The following PIGN variants were observed in gnomAD, a reference collection of about 807,000 sequenced individuals.
The protein encoded by PIGN is GPI ethanolamine phosphate transferase 1.
A neutral mutation model predicts 125.4 loss-of-function variants in PIGN; 117 were observed. That is an observed-to-expected ratio of 0.93 (90% CI 0.80 to 1.09). The LOEUF (loss-of-function observed/expected upper bound fraction) is 1.09, where lower values mean the gene tolerates loss of function less well. Ranked by LOEUF, PIGN falls within the 50% of genes least tolerant of loss-of-function variation. The pLI, the probability that PIGN is intolerant of heterozygous loss-of-function variation, is 0.00. For synonymous variants in PIGN, 392 were observed against 377.8 expected (o/e 1.04, Z -0.44); for missense variants, 1,075 against 1,094.9 (o/e 0.98, Z 0.26).
intron 1 of PIGN, among the ~76,000 whole-genome samples, chr18:62,177,353 T>C (rs774684896): frequency 3.9e-5 from 6 of 152,216 alleles, no homozygotes; most frequent in Non-Finnish European, 8.8e-5. Context: ...AGTATTTCTA[T>C]TTGGTTCATT....
At chr18:62,034,919 G>A (rs1257869822) in intron 23 of PIGN, among the ~76,000 whole-genome samples, 9 of 152,182 alleles carry the variant, frequency 5.9e-5, no homozygotes, top group South Asian at 2.1e-4. Context: ...GGGAGGGGCC[G>A]GGGGAGAATG....
At chr18:62,138,066 A>G in intron 14 of PIGN, 177 bp downstream of exon 14, 1 of 835,610 alleles carries the variant, frequency 1.2e-6, no homozygotes, top group Non-Finnish European at 1.8e-6. Flanking sequence ...AAAGTTATCT[A>G]GCACCTGGCT....
chr18:62,167,284 ATATGTG>A (rs1382887216), intron 1 of PIGN, among the ~76,000 whole-genome samples: 2,087 of 136,142 alleles, frequency 0.015, 54 homozygotes, highest in African/African-American at 0.061. Flanking sequence ...ATAGAGATAT[ATATGTG>A]TGTGTGTGTG....
chr18:62,078,122 T>C (rs559090204), intron 28 of PIGN, among the ~76,000 whole-genome samples: 28 of 152,154 alleles, frequency 1.8e-4, no homozygotes, highest in Non-Finnish European at 3.1e-4. Context: ...ATAAGAATTT[T>C]AGGGGACACA....
At chr18:62,106,084 G>C (rs527636673) in intron 19 of PIGN, among the ~76,000 whole-genome samples, 96 of 152,268 alleles carry the variant, frequency 6.3e-4, no homozygotes, top group Middle Eastern at 3.4e-3. Context: ...AAAAAAGGTG[G>C]CCTACAATAA....
At chr18:62,023,327 A>T (rs1025068663) in intron 23 of PIGN, among the ~76,000 whole-genome samples, 3 of 152,182 alleles carry the variant, frequency 2.0e-5, no homozygotes, top group African/African-American at 7.2e-5. Context: ...CATACAATCT[A>T]TGTGGTCTTT....
intron 23 of PIGN, among the ~76,000 whole-genome samples, chr18:62,023,412 T>C (rs1248361404): frequency 6.6e-6 from 1 of 152,244 alleles, no homozygotes; most frequent in Non-Finnish European, 1.5e-5. Flanking sequence ...ACTTCAGTCC[T>C]TTTTATCAGT....
At chr18:62,164,306 T>C (rs1305508910) in intron 1 of PIGN, among the ~76,000 whole-genome samples, 2 of 152,200 alleles carry the variant, frequency 1.3e-5, no homozygotes, top group Non-Finnish European at 2.9e-5. Flanking sequence ...CATACTATAA[T>C]ATATAACATA....
chr18:62,050,527 T>C (rs2031188031), intron 30 of PIGN, among the ~76,000 whole-genome samples: 1 of 151,172 alleles, frequency 6.6e-6, no homozygotes, highest in South Asian at 2.1e-4. Context: ...ATAAGAATGC[T>C]TGTGATTTTT....
rs773629540 is a variant in PIGN at position 62,148,326 on chromosome 18, G to A, written c.562C>T (p.His188Tyr). Reference sequence around the variant, plus strand: ...AACAAAGACTGGTTGTTTCTGGCATGATGAAAGAAGTCCTACATATAACAA... The same window carrying A: ...AACAAAGACTGGTTGTTTCTGGCATAATGAAAGAAGTCCTACATATAACAA... ...VFDNVKDFFH[H>Y]ARNNQSLFSK... is the part of the protein sequence containing the mutation. Residue 188 changes from histidine to tyrosine, a missense_variant, in exon 8 of 31, where the codon CAT (histidine) becomes TAT (tyrosine). By Grantham distance (83) the His-to-Tyr change is moderately conservative. Coordinates refer to ENST00000640252, the MANE Select transcript of PIGN (RefSeq NM_176787.5). The A allele has an allele frequency of 4.0e-6, 6 of 1,513,210 alleles. No homozygotes were observed. The highest frequency in any genetic ancestry group is 1.4e-5 in the African/African-American group (1 of 71,548). 93.7% of individuals were successfully genotyped at this position (1,513,210 alleles called of 1,614,324 possible).
At chr18:62,144,341 G>C (rs1385112612) in intron 10 of PIGN, among the ~76,000 whole-genome samples, 1 of 152,188 alleles carries the variant, frequency 6.6e-6, no homozygotes, top group Non-Finnish European at 1.5e-5. Context: ...TGTTGGCAAT[G>C]CTCTAACAGG....
chr18:62,155,147 A>G (rs967365638), intron 6 of PIGN, among the ~76,000 whole-genome samples: 34 of 152,200 alleles, frequency 2.2e-4, no homozygotes, highest in African/African-American at 7.7e-4. Context: ...AAGAGAATAA[A>G]TATTGCTTAT....
rs1372417159 is a variant in PIGN, at chr18:62,074,812, G to C, written c.2586C>G (p.Leu862=). ...TAATGTCTGATATGACGAGAACAATGAGAAAAAGGCTGGAAAAAAAAAGAA... is the reference window on the plus strand; with the variant it reads ...TAATGTCTGATATGACGAGAACAATCAGAAAAAGGCTGGAAAAAAAAAGAA... ...TTQLSSKSLF[L]IVLVISDIMA... is the part of the protein sequence containing the mutation. The change falls in exon 29 of 31, where the codon CTC becomes CTG. Residue 862 remains leucine (L), a synonymous_variant. Transcript: ENST00000640252. 2 of 1,604,186 alleles carry C rather than the reference G, an allele frequency of 1.2e-6. No individual in the cohort carries two copies. The highest frequency in any genetic ancestry group is 2.2e-5 in the East Asian group (1 of 44,554).
chr18:62,078,175 A>G (rs2033269058), intron 28 of PIGN, among the ~76,000 whole-genome samples: 1 of 152,220 alleles, frequency 6.6e-6, no homozygotes, highest in African/African-American at 2.4e-5. Context: ...GTAAGAAACA[A>G]TTTTATCAGC....
Position 62,072,736 on chromosome 18 carries a change from A to C in PIGN, c.2620-11T>G. 6.3e-7 allele frequency: 1 copy of C among 1,577,874 alleles called. No homozygotes were observed. The highest frequency in any genetic ancestry group is 8.6e-7 in the Non-Finnish European group (1 of 1,164,598). ...CAAGAAGAAAAAATGCTGTAAAAAA[A>C]AAAAAAGGCTTAATGAAAAACAAAG... On this transcript the variant is annotated splice_polypyrimidine_tract_variant and intron_variant, in intron 29 of 30. Transcript: ENST00000640252.
At chr18:62,079,541 C>T (rs1025850819) in intron 28 of PIGN, among the ~76,000 whole-genome samples, 1 of 151,624 alleles carries the variant, frequency 6.6e-6, no homozygotes, top group Non-Finnish European at 1.5e-5. Flanking sequence ...AAAATCTGAC[C>T]CAGGAAAAAT....
chr18:62,168,167 A>G (rs1003249485), intron 1 of PIGN, among the ~76,000 whole-genome samples: 16 of 152,180 alleles, frequency 1.1e-4, no homozygotes, highest in Middle Eastern at 6.8e-3. Flanking sequence ...CTGGACAACA[A>G]AAGTGAAACT....
chr18:62,056,015 T>C lies in PIGN; in HGVS notation c.2673-10036A>G, dbSNP rs553421802. On this transcript the variant is annotated intron_variant, in intron 30 of 30. Transcript: ENST00000640252. ...TACCCCGGCAAATTTAATCTGAACT[T>C]ATTTAAGTTGGTGCAAAAGTAATTG... Among the ~76,000 whole-genome samples the C allele has an allele frequency of 4.1e-4, 59 of 145,590 alleles. 1 individual carries two copies. Among genetic ancestry groups the C allele is most frequent in the African/African-American group, 6.3e-4 (25 of 39,776 alleles).
intron 14 of PIGN, chr18:62,136,988 T>A: frequency 2.5e-6 from 1 of 397,666 alleles, no homozygotes; most frequent in Non-Finnish European, 4.4e-6. Context: ...GATTGAAGGA[T>A]GTAAAGTATT....
Sources: gnomAD v4.1 joint callset for allele counts (sites outside exome capture counted in the v4.1 genomes callset) on GRCh38, gnomAD v4.1.1 for gene constraint, MANE v1.5 for transcripts, NCBI Gene and HGNC (gene_info 2026-07-23, HGNC 2026-07-21) for gene names.